Variants in GRIA4 observed in about 807,000 individuals in gnomAD.
The protein encoded by GRIA4 is glutamate ionotropic receptor AMPA type subunit 4.
A neutral mutation model predicts 104.0 loss-of-function variants in GRIA4; 34 were observed. The observed-to-expected ratio is 0.33, with a 90% confidence interval of 0.25 to 0.44. GRIA4 has a LOEUF of 0.44. Among genes scored for constraint, GRIA4 ranks in the 20% least tolerant of loss-of-function variants. The pLI is 1.00. For missense variants in GRIA4, 750 were observed against 1,096.5 expected, an observed-to-expected ratio of 0.68 and a Z score of 4.46; for synonymous variants, 386 against 381.9, an observed-to-expected ratio of 1.01 and a Z score of -0.13.
rs1396401849 is a variant in GRIA4 at position 105,911,285 on chromosome 11, A to G, written c.1269+740A>G. Reference sequence around the variant, plus strand: ...GCTTTTTCAAAGAGATTCTCATGAAATTACCTTTTAAATAATAGAATATCT... The same window carrying G: ...GCTTTTTCAAAGAGATTCTCATGAAGTTACCTTTTAAATAATAGAATATCT... On this transcript the variant is annotated intron_variant, in intron 10 of 16. Transcript: ENST00000282499. 3.3e-5 allele frequency among the ~76,000 whole-genome samples: 5 copies of G among 152,194 alleles called. No homozygotes were observed. In the East Asian group the frequency reaches 9.6e-4, roughly 29 times the overall value.
chr11:105,814,365 T>C (rs962319365), intron 4 of GRIA4, among the ~76,000 whole-genome samples: 1 of 152,222 alleles, frequency 6.6e-6, no homozygotes, highest in African/African-American at 2.4e-5. Flanking sequence ...TTATTGTTGA[T>C]ATTACTATTG....
chr11:105,671,610 G>T (rs950903707), intron 3 of GRIA4, among the ~76,000 whole-genome samples: 2 of 147,550 alleles, frequency 1.4e-5, no homozygotes, highest in African/African-American at 5.1e-5. Context: ...TCCAGGAGGT[G>T]GAGGTTGCGG....
chr11:105,966,113 G>C, intron 14 of GRIA4: 1 of 1,233,608 alleles, frequency 8.1e-7, no homozygotes, highest in Non-Finnish European at 1.2e-6. Flanking sequence ...AGTAATAGGT[G>C]CATCTGCTGG....
chr11:105,932,335 C>G (rs1947903341), intron 13 of GRIA4, among the ~76,000 whole-genome samples: 4 of 152,014 alleles, frequency 2.6e-5, no homozygotes, highest in Admixed American at 2.6e-4. Flanking sequence ...CACAGGGTTT[C>G]ACCATGTTGG....
At chr11:105,918,672 T>C in intron 10 of GRIA4, 40 bp from the exon 11 acceptor site, 1 of 999,838 alleles carries the variant, frequency 1.0e-6, no homozygotes. Context: ...TTCAAATGTT[T>C]TATAATTTCT....
intron 3 of GRIA4, among the ~76,000 whole-genome samples, chr11:105,698,075 G>T (rs555722204): frequency 1.3e-5 from 2 of 151,984 alleles, no homozygotes; most frequent in Non-Finnish European, 2.9e-5. Context: ...CTAGAAATAA[G>T]GAAAAAGAGT....
At position 105,924,876 on chromosome 11, in the gene GRIA4, AAC is replaced by A. The variant is rs911773884; in HGVS notation, c.1847+111_1847+112del. On this transcript the variant is annotated intron_variant, in intron 12 of 16. Transcript: ENST00000282499. ...TTCCTGAAGACAGAGGACTATTTGA[AAC>A]ACAGAAAAAGACTTGCAATTCCCAA... 5 of 856,224 alleles carry A rather than the reference AAC, an allele frequency of 5.8e-6. No individual in the cohort carries two copies. The African/African-American group carries it at 8.3e-5, about 14-fold the overall frequency. The allele number at this position is 856,224 out of a possible 1,614,324, so 53.0% of individuals were successfully genotyped here.
chr11:105,621,185 A>G (rs1265153724), intron 3 of GRIA4, among the ~76,000 whole-genome samples: 1 of 151,764 alleles, frequency 6.6e-6, no homozygotes, highest in African/African-American at 2.4e-5. Context: ...TTTGTTGCTG[A>G]TATGTTTATT....
At position 105,738,965 on chromosome 11, in the gene GRIA4, A is replaced by C. The variant is rs368814638; in HGVS notation, c.248-14016A>C. ...AAAAACAAAAAAAACCCAAAAAAAA[A>C]CCCAAATGCACCTGTTTTGATTTAG... On this transcript the variant is annotated intron_variant, in intron 3 of 16. Coordinates refer to ENST00000282499, the MANE Select transcript of GRIA4 (RefSeq NM_000829.4). 6.0e-3 allele frequency among the ~76,000 whole-genome samples: 906 copies of C among 151,590 alleles called. 11 individuals are homozygous for C. Among genetic ancestry groups the C allele is most frequent in the African/African-American group, 0.02 (813 of 41,394 alleles).
intron 4 of GRIA4, among the ~76,000 whole-genome samples, chr11:105,779,719 A>G (rs1018519079): frequency 6.6e-6 from 1 of 152,194 alleles, no homozygotes; most frequent in African/African-American, 2.4e-5. Context: ...ATCCTAAGTC[A>G]AAAGAACAAA....
At chr11:105,862,755 C>T (rs926208622) in intron 5 of GRIA4, 2 of 152,230 alleles carry the variant, frequency 1.3e-5, no homozygotes, top group African/African-American at 2.4e-5. Context: ...TGGTTTTCAA[C>T]TCTCCTCAAA....
At chr11:105,635,339 G>C (rs181385990) in intron 3 of GRIA4, among the ~76,000 whole-genome samples, 1 of 152,064 alleles carries the variant, frequency 6.6e-6, no homozygotes, top group African/African-American at 2.4e-5. Flanking sequence ...TTGTGACTTG[G>C]AAGAAAAAAG....
intron 3 of GRIA4, among the ~76,000 whole-genome samples, chr11:105,624,154 C>A (rs139066793): frequency 6.6e-6 from 1 of 152,088 alleles, no homozygotes; most frequent in African/African-American, 2.4e-5. Flanking sequence ...AACATATGAG[C>A]TGAGTATAAA....
At chr11:105,805,851 G>T (rs1942932999) in intron 4 of GRIA4, among the ~76,000 whole-genome samples, 1 of 151,852 alleles carries the variant, frequency 6.6e-6, no homozygotes, top group Admixed American at 6.6e-5. Context: ...GTGGCAGACA[G>T]CCTTCCTTAG....
intron 14 of GRIA4, among the ~76,000 whole-genome samples, chr11:105,944,569 G>C (rs1948259582): frequency 7.1e-6 from 1 of 140,980 alleles, no homozygotes; most frequent in East Asian, 2.1e-4. Flanking sequence ...CACCATATCA[G>C]AGACTACATA....
chr11:105,868,184 C>T (rs534647743), intron 5 of GRIA4, among the ~76,000 whole-genome samples: 1 of 152,178 alleles, frequency 6.6e-6, no homozygotes, highest in South Asian at 2.1e-4. Flanking sequence ...AGCATTTAAA[C>T]TGAAAATGCA....
intron 4 of GRIA4, among the ~76,000 whole-genome samples, chr11:105,757,707 G>A (rs1157613388): frequency 1.3e-5 from 2 of 151,986 alleles, no homozygotes; most frequent in African/African-American, 2.4e-5. Context: ...CATCAACTGG[G>A]TGCTGTTCTT....
intron 4 of GRIA4, among the ~76,000 whole-genome samples, chr11:105,842,504 A>G (rs1944430176): frequency 1.3e-5 from 2 of 152,318 alleles, no homozygotes; most frequent in South Asian, 4.1e-4. Context: ...AGAAGTTTCC[A>G]TGTATATGTT....
At position 105,638,246 on chromosome 11, in the gene GRIA4, A is replaced by G. The variant is rs79006505; in HGVS notation, c.247+25812A>G. ...GTGATTGATGTTAAACCAAAGTAGC[A>G]GGCAGGTCATGCTGATAGGAACAGT... On this transcript the variant is annotated intron_variant, in intron 3 of 16. Coordinates refer to ENST00000282499, the MANE Select transcript of GRIA4 (RefSeq NM_000829.4). Among the ~76,000 whole-genome samples the G allele has an allele frequency of 6.3e-3, 964 of 152,248 alleles. 5 individuals are homozygous for G. The highest frequency in any genetic ancestry group is 0.015 in the South Asian group (71 of 4,832).
Sources: gnomAD v4.1 joint callset for allele counts (sites outside exome capture counted in the v4.1 genomes callset) on GRCh38, gnomAD v4.1.1 for gene constraint, MANE v1.5 for transcripts, NCBI Gene and HGNC (gene_info 2026-07-23, HGNC 2026-07-21) for gene names.